ATG16L1: variants seen among roughly 807,000 people sequenced by gnomAD.
ATG16L1 encodes autophagy related 16 like 1.
A neutral mutation model predicts 88.5 loss-of-function variants in ATG16L1; 37 were observed. The ratio of observed to expected loss-of-function variants is 0.42; its 90% CI spans 0.32 to 0.55. ATG16L1 has a LOEUF of 0.55. Among genes scored for constraint, ATG16L1 ranks in the 20% least tolerant of loss-of-function variants. ATG16L1 has a pLI of 0.13. For synonymous variants in ATG16L1, 301 were observed against 281.0 expected (o/e 1.07, Z -0.71); for missense variants, 554 against 752.8 (o/e 0.74, Z 3.09).
At chr2:233,262,311 TC>T (rs1279773384) in intron 2 of ATG16L1, among the ~76,000 whole-genome samples, 2 of 152,214 alleles carry the variant, frequency 1.3e-5, no homozygotes, top group Non-Finnish European at 2.9e-5. Context: ...TGGCTGGTCT[TC>T]CTGTTTCGGC....
chr2:233,260,031 G>C (rs1697098572), intron 2 of ATG16L1, among the ~76,000 whole-genome samples: 1 of 152,126 alleles, frequency 6.6e-6, no homozygotes. Context: ...CCAACTCAAA[G>C]GGACATTTGC....
intron 16 of ATG16L1, 78 bp from the exon 17 acceptor site, chr2:233,293,175 CCTT>C: frequency 1.6e-6 from 2 of 1,229,392 alleles, no homozygotes. Flanking sequence ...AACAAACATT[CCTT>C]CTTGGGAAAA....
chr2:233,281,018 G>C (rs1698685599), intron 10 of ATG16L1, 87 bp from the exon 11 acceptor site: 1 of 776,064 alleles, frequency 1.3e-6, no homozygotes, highest in South Asian at 1.8e-5. Flanking sequence ...AGTGTAATTG[G>C]CTTCCATTGT....
intron 2 of ATG16L1, among the ~76,000 whole-genome samples, chr2:233,256,578 C>T (rs564897722): frequency 2.6e-5 from 4 of 151,644 alleles, no homozygotes; most frequent in African/African-American, 9.7e-5. Flanking sequence ...TTGGCACATA[C>T]GTAAAAATTG....
intron 9 of ATG16L1, chr2:233,275,832 A>G (rs940662903): frequency 1.3e-5 from 7 of 519,162 alleles, no homozygotes; most frequent in Admixed American, 1.2e-4. Flanking sequence ...CATTTAAGTC[A>G]TGTGTATGGG....
chr2:233,274,229 C>T (rs1198294272), intron 8 of ATG16L1: 3 of 585,680 alleles, frequency 5.1e-6, no homozygotes, highest in Non-Finnish European at 8.9e-6. Flanking sequence ...AGTACTCATG[C>T]TCTTGTTGCT....
intron 12 of ATG16L1, among the ~76,000 whole-genome samples, chr2:233,286,932 A>G (rs1699128197): frequency 6.6e-6 from 1 of 152,014 alleles, no homozygotes; most frequent in South Asian, 2.1e-4. Context: ...GCCAAGCCCA[A>G]ACATTGTAAA....
At chr2:233,261,202 G>A (rs185770112) in intron 2 of ATG16L1, among the ~76,000 whole-genome samples, 24 of 152,192 alleles carry the variant, frequency 1.6e-4, no homozygotes, top group African/African-American at 4.1e-4. Flanking sequence ...TGATCCGCCC[G>A]CCTCGGCCTC....
At chr2:233,253,334 T>TA in intron 1 of ATG16L1, among the ~76,000 whole-genome samples, 1 of 128,140 alleles carries the variant, frequency 7.8e-6, no homozygotes, top group South Asian at 2.7e-4. Context: ...GAGACTGGGT[T>TA]TTTTTGTTTT....
intron 17 of ATG16L1, among the ~76,000 whole-genome samples, chr2:233,293,844 GA>G (rs1275224152): frequency 6.6e-6 from 1 of 152,118 alleles, no homozygotes; most frequent in Admixed American, 6.5e-5. Context: ...CTGCTAGTTG[GA>G]ACCCAGATAC....
At chr2:233,259,900 G>A (rs138595903) in intron 2 of ATG16L1, among the ~76,000 whole-genome samples, 1 of 152,270 alleles carries the variant, frequency 6.6e-6, no homozygotes, top group African/African-American at 2.4e-5. Context: ...CCCAGACTGT[G>A]GTGAGAGCCT....
rs1197443013 is a variant in ATG16L1, at chr2:233,277,622, C to T, written c.1009C>T (p.Leu337=). The stretch of plus-strand genomic sequence containing the variant: ...GCAGTTCAGTCCAGGTTCCCGGTTA[C>T]TGGCCACTGGAGGCATGGACCGCAG... The part of the protein sequence containing the change: ...AVQFSPGSRL[L]ATGGMDRRVK... The change falls in exon 10 of 18, where the codon CTG becomes TTG. Residue 337 remains leucine, a synonymous_variant. Coordinates refer to ENST00000392017, the MANE Select transcript of ATG16L1 (RefSeq NM_030803.7). 6.2e-7 allele frequency: 1 copy of T among 1,614,114 alleles called. No homozygotes were observed. The highest frequency in any genetic ancestry group is 8.5e-7 in the Non-Finnish European group (1 of 1,179,974).
At position 233,290,231 on chromosome 2, in the gene ATG16L1, G is replaced by C. The variant is rs1699373833; in HGVS notation, c.1325-17G>C. The stretch of plus-strand genomic sequence containing the variant: ...TTGGTGCCTCTGCTTGATTAATGAT[G>C]TTTGCATTTCTTTCAGGCATAAAGA... On this transcript the variant is annotated splice_polypyrimidine_tract_variant and intron_variant, in intron 13 of 17. Transcript: ENST00000392017. 1 of 1,612,298 alleles carries C rather than the reference G, an allele frequency of 6.2e-7. No individual in the cohort carries two copies. The highest frequency in any genetic ancestry group is 1.1e-5 in the South Asian group (1 of 91,046).
At position 233,295,500 on chromosome 2, in the gene ATG16L1, G is replaced by C. The variant is rs1559421370; in HGVS notation, c.*1150G>C. On this transcript the variant is annotated 3_prime_UTR_variant, in exon 18 of 18. Coordinates refer to ENST00000392017, the MANE Select transcript of ATG16L1 (RefSeq NM_030803.7). ...CCACCGATGGTCCTGGCCTCCACCT[G>C]CCCTCTCTTCCCTGCCTGATCACCG... 2 of 152,744 alleles carry C rather than the reference G, an allele frequency of 1.3e-5. No homozygotes were observed. The highest frequency in any genetic ancestry group is 3.7e-4 in the East Asian group (2 of 5,338). 9.5% of individuals were successfully genotyped at this position (152,744 alleles called of 1,614,324 possible).
chr2:233,284,634 AT>A, intron 12 of ATG16L1, among the ~76,000 whole-genome samples: 1 of 151,724 alleles, frequency 6.6e-6, no homozygotes, highest in East Asian at 1.9e-4. Flanking sequence ...GCCTAGCCCA[AT>A]TTTTGTATTT....
In ATG16L1 at chr2:233,275,216, G is replaced by A. The variant is rs548933568; in HGVS notation, c.954+438G>A. On this transcript the variant is annotated intron_variant, in intron 9 of 17. Coordinates refer to ENST00000392017, the MANE Select transcript of ATG16L1 (RefSeq NM_030803.7). ...TCCCAGCCATTAGGGGTCTATGACT[G>A]GAAGCAGTCCTGGGCAGAAGCCACG... Among the ~76,000 whole-genome samples the A allele has an allele frequency of 3.3e-5, 5 of 152,316 alleles. No homozygotes were observed. In the East Asian group the frequency reaches 9.6e-4, roughly 29 times the overall value.
Position 233,274,034 on chromosome 2 carries a change from G to A in ATG16L1, c.851+257G>A, listed in dbSNP as rs962663597. ...TTTGGGACATCATTCTTCTTCTGAT[G>A]CTGCCAGGTGAAACTATTATCCTCT... On this transcript the variant is annotated intron_variant, in intron 8 of 17. Transcript: ENST00000392017. 1.9e-6 allele frequency: 3 copies of A among 1,550,498 alleles called. No homozygotes were observed. In the East Asian group the frequency reaches 7.3e-5, roughly 38 times the overall value.
intron 12 of ATG16L1, chr2:233,288,654 T>C (rs775149481): frequency 2.3e-6 from 1 of 427,966 alleles, no homozygotes; most frequent in Non-Finnish European, 4.7e-6. Context: ...CATAGAAAAA[T>C]GTTGATCATG....
chr2:233,268,851 T>A lies in ATG16L1; in HGVS notation c.642-1151T>A, dbSNP rs150477231. Among the ~76,000 whole-genome samples, 3 of 152,354 alleles carry A rather than the reference T, an allele frequency of 2.0e-5. No individual in the cohort carries two copies. In the East Asian group the frequency reaches 5.8e-4, roughly 29 times the overall value. ...GATTCTGCTATACTGCCTAGAGGAC[T>A]TTCCTTCATTTTGAGAATTACCACC... is the stretch of plus-strand genomic sequence containing the variant. On this transcript the variant is annotated intron_variant, in intron 5 of 17. Transcript: ENST00000392017.
Sources: gnomAD v4.1 joint callset for allele counts (sites outside exome capture counted in the v4.1 genomes callset) on GRCh38, gnomAD v4.1.1 for gene constraint, MANE v1.5 for transcripts, NCBI Gene and HGNC (gene_info 2026-07-23, HGNC 2026-07-21) for gene names.